CHCHD3: variants seen among roughly 807,000 people sequenced by gnomAD.
CHCHD3 encodes the protein MICOS complex subunit MIC19.
Under a neutral mutation model 38.2 loss-of-function variants are expected in CHCHD3, and 20 were observed. The observed-to-expected ratio is 0.52, with a 90% CI of 0.37 to 0.76. The LOEUF (loss-of-function observed/expected upper bound fraction) is 0.76, where lower values mean the gene tolerates loss of function less well. CHCHD3 is among the 30% of genes least tolerant of loss of function. The pLI, the probability that CHCHD3 is intolerant of heterozygous loss-of-function variation, is 0.00. For missense variants in CHCHD3, 245 were observed against 279.2 expected (o/e 0.88, Z 0.87); for synonymous variants, 82 against 100.0 (o/e 0.82, Z 1.07).
At chr7:132,853,687 T>G (rs1355113298) in intron 5 of CHCHD3, among the ~76,000 whole-genome samples, 1 of 152,124 alleles carries the variant, frequency 6.6e-6, no homozygotes, top group Non-Finnish European at 1.5e-5. Flanking sequence ...ATATCTATAT[T>G]CAATGAAGAC....
intron 4 of CHCHD3, among the ~76,000 whole-genome samples, chr7:132,910,027 T>C (rs1030902734): frequency 6.6e-6 from 1 of 152,230 alleles, no homozygotes; most frequent in Non-Finnish European, 1.5e-5. Context: ...ACTGAGCAAG[T>C]GCACTTATAA....
intron 4 of CHCHD3, among the ~76,000 whole-genome samples, chr7:132,957,894 C>G (rs1019058113): frequency 6.6e-6 from 1 of 152,202 alleles, no homozygotes; most frequent in African/African-American, 2.4e-5. Context: ...AAGAATTACT[C>G]TGGATGAACT....
intron 4 of CHCHD3, among the ~76,000 whole-genome samples, chr7:132,951,485 G>A (rs886606579): frequency 6.6e-6 from 1 of 152,160 alleles, no homozygotes; most frequent in African/African-American, 2.4e-5. Flanking sequence ...CATATACGAA[G>A]CCATATAACT....
chr7:132,960,269 G>T (rs1811284063), intron 4 of CHCHD3, among the ~76,000 whole-genome samples: 1 of 152,122 alleles, frequency 6.6e-6, no homozygotes. Flanking sequence ...AAAGAGAGGA[G>T]AGAGGAGAAG....
chr7:132,817,896 AAAAAAT>A (rs981735136), intron 6 of CHCHD3, among the ~76,000 whole-genome samples: 5 of 151,914 alleles, frequency 3.3e-5, no homozygotes, highest in Admixed American at 6.6e-5. Context: ...TGTCTCAAAA[AAAAAAT>A]AAAAATAAAA....
intron 4 of CHCHD3, among the ~76,000 whole-genome samples, chr7:132,899,482 A>T (rs1158401116): frequency 6.6e-6 from 1 of 152,218 alleles, no homozygotes; most frequent in East Asian, 1.9e-4. Context: ...ACATAATCAG[A>T]TTTGTTAATT....
chr7:133,018,994 G>A lies in CHCHD3; in HGVS notation c.251+5552C>T, dbSNP rs138346036. Among the ~76,000 whole-genome samples, 1,395 of 143,794 alleles carry A rather than the reference G, an allele frequency of 9.7e-3. 23 individuals are homozygous for A. Among genetic ancestry groups the A allele is most frequent in the African/African-American group, 0.034 (1,313 of 38,788 alleles). 94.3% of individuals were successfully genotyped at this position (143,794 alleles called of 152,430 possible). ...CACCTCCCGGGTTCAAGCGATTCTC[G>A]TGCCTCAGCCTCCCGAGTAGCTGGG... On this transcript the variant is annotated intron_variant, in intron 3 of 7. Coordinates refer to ENST00000262570, the MANE Select transcript of CHCHD3 (RefSeq NM_017812.4).
intron 2 of CHCHD3, among the ~76,000 whole-genome samples, chr7:133,044,038 C>T (rs1238068808): frequency 6.6e-6 from 1 of 152,118 alleles, no homozygotes; most frequent in Admixed American, 6.5e-5. Flanking sequence ...CAGATTTCTA[C>T]CAATAATCTA....
At position 132,785,570 on chromosome 7, in the gene CHCHD3, C is replaced by T. The variant is rs1257624787; in HGVS notation, c.*67G>A. On this transcript the variant is annotated 3_prime_UTR_variant, in exon 8 of 8. Coordinates refer to ENST00000262570, the MANE Select transcript of CHCHD3 (RefSeq NM_017812.4). ...CTTCTCTTCAAATGGGTTGTTTTCT[C>T]ACTAGGAAAAAAAATGTTCCATCTC... 1 of 1,536,760 alleles carries T rather than the reference C, an allele frequency of 6.5e-7. No homozygotes were observed. The highest frequency in any genetic ancestry group is 1.4e-5 in the African/African-American group (1 of 73,190).
chr7:132,886,840 C>T, intron 4 of CHCHD3: 1 of 452,222 alleles, frequency 2.2e-6, no homozygotes, highest in Non-Finnish European at 3.6e-6. Flanking sequence ...CATCCTTGTG[C>T]TATTTCACCA....
intron 4 of CHCHD3, among the ~76,000 whole-genome samples, chr7:132,899,171 C>T (rs1425951610): frequency 6.6e-6 from 1 of 152,142 alleles, no homozygotes; most frequent in Non-Finnish European, 1.5e-5. Context: ...TCACCTCTCA[C>T]TAAGACATAA....
At chr7:133,032,647 T>C (rs1159636136) in intron 2 of CHCHD3, among the ~76,000 whole-genome samples, 1 of 152,178 alleles carries the variant, frequency 6.6e-6, no homozygotes, top group East Asian at 1.9e-4. Flanking sequence ...TATAGCCGTA[T>C]AGCAAGAGAT....
intron 4 of CHCHD3, among the ~76,000 whole-genome samples, chr7:132,920,639 C>T (rs1030208912): frequency 6.6e-6 from 1 of 152,160 alleles, no homozygotes; most frequent in Non-Finnish European, 1.5e-5. Context: ...CAGATGCTGA[C>T]AGAATGCTTT....
At chr7:132,908,675 C>T (rs1004110302) in intron 4 of CHCHD3, among the ~76,000 whole-genome samples, 2 of 152,108 alleles carry the variant, frequency 1.3e-5, no homozygotes, top group African/African-American at 4.8e-5. Flanking sequence ...CCAGGCCAGG[C>T]AGGCTCATTT....
At chr7:132,897,853 G>C (rs371974121) in intron 4 of CHCHD3, among the ~76,000 whole-genome samples, 5 of 146,974 alleles carry the variant, frequency 3.4e-5, no homozygotes, top group African/African-American at 1.4e-4. Context: ...TGGTCTCACT[G>C]ACTTCAAGAA....
At chr7:132,860,288 T>A (rs7805712) in intron 5 of CHCHD3, among the ~76,000 whole-genome samples, 29,978 of 129,354 alleles carry the variant, frequency 0.23, 3,152 homozygotes, top group South Asian at 0.3. Context: ...GATTTTTTTT[T>A]ATAGATAGAT....
chr7:132,833,609 A>G (rs1489744625), intron 6 of CHCHD3, among the ~76,000 whole-genome samples: 1 of 152,186 alleles, frequency 6.6e-6, no homozygotes, highest in African/African-American at 2.4e-5. Context: ...TCTTAGTTGT[A>G]TATTCAGGCT....
chr7:132,935,927 A>G (rs1810622546), intron 4 of CHCHD3, among the ~76,000 whole-genome samples: 1 of 152,218 alleles, frequency 6.6e-6, no homozygotes, highest in South Asian at 2.1e-4. Flanking sequence ...GCAAGTGAGC[A>G]CACAAAACAG....
At chr7:133,011,947 C>A (rs1812885455) in intron 3 of CHCHD3, among the ~76,000 whole-genome samples, 1 of 152,100 alleles carries the variant, frequency 6.6e-6, no homozygotes, top group African/African-American at 2.4e-5. Context: ...TTAATTGAGA[C>A]AGAGTATTGC....
Sources: allele counts gnomAD v4.1 joint callset (sites outside exome capture counted in the v4.1 genomes callset), GRCh38; gene constraint gnomAD v4.1.1; transcripts MANE v1.5; gene names NCBI Gene and HGNC (gene_info 2026-07-23, HGNC 2026-07-21).